PLEKHG2: variants seen among roughly 807,000 people sequenced by gnomAD.
PLEKHG2 encodes the protein pleckstrin homology domain-containing family G member 2.
Under a neutral mutation model 104.4 loss-of-function variants are expected in PLEKHG2, and 71 were observed. That is an observed-to-expected ratio of 0.68 (90% CI 0.56 to 0.83). The LOEUF (loss-of-function observed/expected upper bound fraction) is 0.83, where lower values mean the gene tolerates loss of function less well. PLEKHG2 is among the 40% of genes least tolerant of loss of function. The probability of loss-of-function intolerance (pLI) is 0.00; values close to 1 mark genes in which losing one functional copy is unlikely to be tolerated. For missense variants in PLEKHG2, 1,730 were observed against 1,809.4 expected, an observed-to-expected ratio of 0.96 and a Z score of 0.80; for synonymous variants, 728 against 737.0, an observed-to-expected ratio of 0.99 and a Z score of 0.20.
Position 39,413,938 on chromosome 19 carries a change from A to G in PLEKHG2, c.-22-127A>G. On this transcript the variant is annotated intron_variant, in intron 1 of 18. Coordinates refer to ENST00000425673, the MANE Select transcript of PLEKHG2 (RefSeq NM_022835.3). The surrounding 1 kb of genome is among the most constrained non-coding windows in gnomAD (Gnocchi z 4.5). ...CTTTCTGTCACTTTGTGCCTCCCCC[A>G]TTAGTTACTCCCAGGGGCCCCTCCC... 2 of 584,744 alleles carry G rather than the reference A, an allele frequency of 3.4e-6. No individual in the cohort carries two copies. The highest frequency in any genetic ancestry group is 2.1e-5 in the South Asian group (1 of 48,680). The allele number at this position is 584,744 out of a possible 1,614,324, so 36.2% of individuals were successfully genotyped here.
Position 39,416,434 on chromosome 19 carries a change from G to A in PLEKHG2, c.546+20G>A. The A allele has an allele frequency of 1.2e-6, 2 of 1,611,944 alleles. No homozygotes were observed. The highest frequency in any genetic ancestry group is 1.3e-5 in the African/African-American group (1 of 74,832). ...CAGAGGGTGAGTGGAGGGGTGGGGG[G>A]CTCTCGGTCCTGGATGGGGCCTTTG... On this transcript the variant is annotated intron_variant, in intron 5 of 18. Transcript: ENST00000425673. This position sits in a 1 kb window ranked among gnomAD's most constrained non-coding sequence, Gnocchi z 4.5.
At position 39,423,966 on chromosome 19, in the gene PLEKHG2, C is replaced by T. The variant is rs760879388; in HGVS notation, c.2833C>T (p.Arg945Trp). Reference sequence around the variant, plus strand: ...CCTTTTGCCTGAGCAAGGAGGTTCCCGGCATGTCCAGGCTCCAGCCGCCAC... The same window carrying T: ...CCTTTTGCCTGAGCAAGGAGGTTCCTGGCATGTCCAGGCTCCAGCCGCCAC... ...ATLLPEQGGS[R>W]HVQAPAATPL... Residue 945 changes from arginine to tryptophan, a missense_variant, in exon 19 of 19, where the codon CGG becomes TGG. Transcript: ENST00000425673. 17 of 1,613,946 alleles carry T rather than the reference C, an allele frequency of 1.1e-5. No individual in the cohort carries two copies. Among genetic ancestry groups the T allele is most frequent in the Admixed American group, 6.7e-5 (4 of 59,986 alleles).
Position 39,424,026 on chromosome 19 carries a change from C to T in PLEKHG2, c.2893C>T (p.Gln965Ter), listed in dbSNP as rs771217557. 1 of 1,614,002 alleles carries T rather than the reference C, an allele frequency of 6.2e-7. No homozygotes were observed. Among genetic ancestry groups the T allele is most frequent in the Non-Finnish European group, 8.5e-7 (1 of 1,179,948 alleles). Reference sequence around the variant, plus strand: ...CAAGCAAGAAGGCCCCCTGCACCTCCAGGTGCCGGCTCTTACAACTTTCTC... The same window carrying T: ...CAAGCAAGAAGGCCCCCTGCACCTCTAGGTGCCGGCTCTTACAACTTTCTC... ...LPKQEGPLHL[Q>*]VPALTTFSDQ... The change falls in exon 19 of 19, where the codon CAG (glutamine) becomes TAG (stop). Residue 965 changes from glutamine to a stop codon, truncating the protein, a stop_gained. Transcript: ENST00000425673. LOFTEE classifies it low-confidence loss of function (END_TRUNC).
At chr19:39,417,756 T>TGGGGGGGGGGG in intron 8 of PLEKHG2, 64 bp downstream of exon 8, 39 of 342,858 alleles carry the variant, frequency 1.1e-4, no homozygotes, top group Middle Eastern at 9.7e-4. Flanking sequence ...TTGGGGCGGG[T>TGGGGGGGGGGG]GGGGGGAAAT....
In PLEKHG2 at chr19:39,416,352, C is replaced by T. The variant is rs766767026; in HGVS notation, c.484C>T (p.Leu162Phe). 1 of 1,612,904 alleles carries T rather than the reference C, an allele frequency of 6.2e-7. No homozygotes were observed. The highest frequency in any genetic ancestry group is 2.2e-5 in the East Asian group (1 of 44,874). Residue 162 changes from leucine (L) to phenylalanine (F), a missense_variant, in exon 5 of 19, where the codon CTC (leucine) becomes TTC (phenylalanine). By Grantham distance (22) the Leu-to-Phe change is conservative (BLOSUM62 0). Coordinates refer to ENST00000425673, the MANE Select transcript of PLEKHG2 (RefSeq NM_022835.3). This position sits in a 1 kb window ranked among gnomAD's most constrained non-coding sequence, Gnocchi z 4.5. ...ACCCTCCCCTCTCCCCTGTAGCGAG[C>T]TCCTGGAGGACTTGGAGAACAGCAG... The part of the protein sequence containing the change: ...IEDIYEFSSE[L>F]LEDLENSSSA...
intron 7 of PLEKHG2, 56 bp from the exon 8 acceptor site, chr19:39,417,499 C>A: frequency 6.3e-7 from 1 of 1,590,126 alleles, no homozygotes; most frequent in South Asian, 1.1e-5. Flanking sequence ...TTCTCATTCT[C>A]TTTCTCCTTC....
intron 2 of PLEKHG2, 89 bp downstream of exon 2, chr19:39,414,284 C>T: frequency 1.5e-6 from 2 of 1,318,620 alleles, no homozygotes; most frequent in Non-Finnish European, 2.1e-6. Context: ...CAACCCCAGG[C>T]CAACTCGCAC....
intron 15 of PLEKHG2, 82 bp from the exon 16 acceptor site, chr19:39,421,201 C>T (rs2078694904): frequency 6.2e-7 from 1 of 1,612,420 alleles, no homozygotes; most frequent in East Asian, 2.2e-5. Flanking sequence ...GTGGTTGCTT[C>T]AGCTCATCAG....
chr19:39,414,902 G>T, intron 2 of PLEKHG2, 90 bp from the exon 3 acceptor site: 1 of 1,406,454 alleles, frequency 7.1e-7, no homozygotes, highest in Admixed American at 2.7e-5. Context: ...TTGGACAGGT[G>T]TGGGTGAGGG....
chr19:39,420,574 CTGT>C, intron 11 of PLEKHG2, 49 bp from the exon 12 acceptor site: 2 of 1,612,376 alleles, frequency 1.2e-6, no homozygotes, highest in Middle Eastern at 3.3e-4. Flanking sequence ...AGTATCCTCT[CTGT>C]GGTACTCCAA....
At position 39,415,390 on chromosome 19, in the gene PLEKHG2, C is replaced by G. The variant is rs1480059562; in HGVS notation, c.430C>G (p.Gln144Glu). 6 of 1,614,128 alleles carry G rather than the reference C, an allele frequency of 3.7e-6. No individual in the cohort carries two copies. The African/African-American group carries it at 8.0e-5, about 22-fold the overall frequency. ...DGGVLGLSVE[Q>E]VGTLFANIED... is the part of the protein sequence containing the mutation. ...CGGGGTCCTGGGGCTGAGCGTGGAG[C>G]AGGTGGGCACGCTGTTTGCCAACAT... The change falls in exon 4 of 19, where the codon CAG becomes GAG. Residue 144 changes from glutamine (Q) to glutamate (E), a missense_variant. Gln to Glu is a conservative substitution (Grantham distance 29). Transcript: ENST00000425673. This position sits in a 1 kb window ranked among gnomAD's most constrained non-coding sequence, Gnocchi z 4.6.
Position 39,420,862 on chromosome 19 carries a change from G to T in PLEKHG2, c.1399+10G>T. ...GGGCGAAGGAACACAGGTAAAGGCG[G>T]TGGATCCCTGAGTCCCAGCCCTCAG... is the stretch of plus-strand genomic sequence containing the variant. On this transcript the variant is annotated intron_variant, in intron 13 of 18. Transcript: ENST00000425673. 6.2e-7 allele frequency: 1 copy of T among 1,614,144 alleles called. No individual in the cohort carries two copies. Among genetic ancestry groups the T allele is most frequent in the Non-Finnish European group, 8.5e-7 (1 of 1,180,018 alleles).
In PLEKHG2 at chr19:39,422,212, C is replaced by T; in HGVS notation, c.1601C>T (p.Thr534Ile). 1 of 1,613,942 alleles carries T rather than the reference C, an allele frequency of 6.2e-7. No homozygotes were observed. The highest frequency in any genetic ancestry group is 1.1e-5 in the South Asian group (1 of 91,020). The change falls in exon 17 of 19, where the codon ACA (threonine) becomes ATA (isoleucine). Residue 534 changes from threonine to isoleucine, a missense_variant. Physicochemically the swap from Thr to Ile is moderately conservative, Grantham distance 89. Transcript: ENST00000425673. ...GACCTGGAGGATGCTGGACCCCCAA[C>T]ACTGGACCCCTCTGGGACCTCAATC... ...PEDLEDAGPPTLDPSGTSITE... is the reference protein window; with the variant it reads ...PEDLEDAGPPILDPSGTSITE...
chr19:39,421,373 A>G, intron 16 of PLEKHG2, 74 bp downstream of exon 16: 3 of 1,502,648 alleles, frequency 2.0e-6, no homozygotes, highest in Non-Finnish European at 2.8e-6. Context: ...TTGAGTTCCA[A>G]AATCCTGGGT....
chr19:39,417,633 G>T lies in PLEKHG2; in HGVS notation c.823G>T (p.Ala275Ser). 1 of 1,614,100 alleles carries T rather than the reference G, an allele frequency of 6.2e-7. No individual in the cohort carries two copies. Among genetic ancestry groups the T allele is most frequent in the Non-Finnish European group, 8.5e-7 (1 of 1,180,036 alleles). Residue 275 changes from alanine (A) to serine (S), a missense_variant, in exon 8 of 19, where the codon GCG (alanine) becomes TCG (serine). Physicochemically the swap from Ala to Ser is moderately conservative, Grantham distance 99 (BLOSUM62 1). Transcript: ENST00000425673. ...GGAGGAAGCTATTGTGTCCATGACA[G>T]CGGTTGCCTGGTACATCAACGACAT... ...MVEEAIVSMT[A>S]VAWYINDMKR... is the part of the protein sequence containing the mutation.
At chr19:39,420,710 CA>C in intron 12 of PLEKHG2, 40 bp from the exon 13 acceptor site, 1 of 1,614,114 alleles carries the variant, frequency 6.2e-7, no homozygotes, top group Non-Finnish European at 8.5e-7. Context: ...GAATTACTTC[CA>C]AGAAAAAGTT....
Position 39,418,742 on chromosome 19 carries a change from C to T in PLEKHG2, c.1092C>T (p.Asn364=), listed in dbSNP as rs371956372. The change falls in exon 10 of 19, where the codon AAC becomes AAT. Residue 364 remains asparagine (N), a synonymous_variant. Transcript: ENST00000425673. ...YTYKGHIFCC[N]LSVSESPRDP... ...CCTCTCTTTCCTTCCAGTGCTGCAA[C>T]CTGAGCGTGAGCGAGAGTCCCCGAG... 6.8e-6 allele frequency: 11 copies of T among 1,612,556 alleles called. No homozygotes were observed. Among genetic ancestry groups the T allele is most frequent in the African/African-American group, 6.7e-5 (5 of 74,884 alleles).
At position 39,416,748 on chromosome 19, in the gene PLEKHG2, CT is replaced by C. The variant is rs1555732361; in HGVS notation, c.594-101del. On this transcript the variant is annotated intron_variant, in intron 6 of 18. Transcript: ENST00000425673. This position sits in a 1 kb window ranked among gnomAD's most constrained non-coding sequence, Gnocchi z 4.5. ...GACCTCTCCCTCACTGCCCCGCCCC[CT>C]GTCAGACCCTGACCCTTCCCAAACC... 13 of 1,477,648 alleles carry C rather than the reference CT, an allele frequency of 8.8e-6. No individual in the cohort carries two copies. Among genetic ancestry groups the C allele is most frequent in the Non-Finnish European group, 1.2e-5 (13 of 1,084,056 alleles). The allele number at this position is 1,477,648 out of a possible 1,614,324, so 91.5% of individuals were successfully genotyped here. A position where few individuals can be genotyped will look rare whatever the true frequency, so the allele number is the denominator to read the frequency against.
chr19:39,417,990 G>A lies in PLEKHG2; in HGVS notation c.968G>A (p.Gly323Asp). The A allele has an allele frequency of 6.4e-7, 1 of 1,554,582 alleles. No homozygotes were observed. The highest frequency in any genetic ancestry group is 1.2e-5 in the South Asian group (1 of 83,920). Reference sequence around the variant, plus strand: ...GTGTTGGAGGGCGCGTTCCGAGGAGGCGGAGGGGGTGGCCCCCGGCTACGA... The same window carrying A: ...GTGTTGGAGGGCGCGTTCCGAGGAGACGGAGGGGGTGGCCCCCGGCTACGA... ...ELVLEGAFRGGGGGGPRLRGG... is the reference protein window; with the variant it reads ...ELVLEGAFRGDGGGGPRLRGG... Residue 323 changes from glycine (G) to aspartate (D), a missense_variant, in exon 9 of 19, where the codon GGC becomes GAC. Transcript: ENST00000425673.
Sources: gnomAD v4.1 joint callset for allele counts on GRCh38, gnomAD v4.1.1 for gene constraint, Gnocchi (gnomAD v3.1) non-coding constraint, MANE v1.5 for transcripts, NCBI Gene and HGNC (gene_info 2026-07-23, HGNC 2026-07-21) for gene names.